CNTNAP3B: variants seen among roughly 807,000 people sequenced by gnomAD.
CNTNAP3B encodes the protein contactin associated protein family member 3B.
A neutral mutation model predicts 108.9 loss-of-function variants in CNTNAP3B; 25 were observed. The ratio of observed to expected loss-of-function variants is 0.23; its 90% CI spans 0.17 to 0.32. The LOEUF (loss-of-function observed/expected upper bound fraction) is 0.32, where lower values mean the gene tolerates loss of function less well. Among genes scored for constraint, CNTNAP3B ranks in the 10% least tolerant of loss-of-function variants. The pLI is 1.00. For missense variants in CNTNAP3B, 252 were observed against 1,210.4 expected (o/e 0.21, Z 11.75); for synonymous variants, 103 against 473.4 (o/e 0.22, Z 10.16).
At chr9:41,925,803 T>TC (rs1554737589) in intron 15 of CNTNAP3B, among the ~76,000 whole-genome samples, 1 of 152,296 alleles carries the variant, frequency 6.6e-6, no homozygotes, top group African/African-American at 2.4e-5. Context: ...GCTTTTTTTT[T>TC]CCCCTTTGTC....
intron 13 of CNTNAP3B, among the ~76,000 whole-genome samples, chr9:41,939,136 T>A (rs1824251507): frequency 1.3e-5 from 2 of 152,292 alleles, no homozygotes; most frequent in Non-Finnish European, 2.9e-5. Flanking sequence ...TGCCAGGGGT[T>A]GGGAGTGAAG....
rs942666494 is a variant in CNTNAP3B at position 42,014,448 on chromosome 9, C to T, written c.391-923G>A. On this transcript the variant is annotated intron_variant, in intron 3 of 23. Transcript: ENST00000377561. ...GGAACAGGCCAGCAGTTAGTTCAAC[C>T]AAGAATGAAGAATGTCTCCTGCCTA... Among the ~76,000 whole-genome samples the T allele has an allele frequency of 1.8e-4, 17 of 91,900 alleles. 2 individuals carry two copies. The highest frequency in any genetic ancestry group is 6.5e-4 in the African/African-American group (16 of 24,430). The allele number at this position is 91,900 out of a possible 152,430, so 60.3% of individuals were successfully genotyped here.
intron 11 of CNTNAP3B, among the ~76,000 whole-genome samples, chr9:41,961,359 C>A (rs1825085445): frequency 6.6e-6 from 1 of 152,306 alleles, no homozygotes; most frequent in African/African-American, 2.4e-5. Flanking sequence ...GTGTAAAACA[C>A]TTGAAGAGAT....
At position 42,099,026 on chromosome 9, in the gene CNTNAP3B, T is replaced by A. The variant is rs62558887; in HGVS notation, c.196+5603A>T. Among the ~76,000 whole-genome samples, 8 of 136,248 alleles carry A rather than the reference T, an allele frequency of 5.9e-5. 2 individuals carry two copies. Among genetic ancestry groups the A allele is most frequent in the Non-Finnish European group, 9.4e-5 (6 of 64,116 alleles). 89.4% of individuals were successfully genotyped at this position (136,248 alleles called of 152,430 possible). ...CACAAATTCCCACCTCTAGTTTCCC[T>A]GCTTTACTCTTTTCCTAAGAAATCA... On this transcript the variant is annotated intron_variant, in intron 2 of 23. Coordinates refer to ENST00000377561, the MANE Select transcript of CNTNAP3B (RefSeq NM_001201380.3).
At chr9:42,079,336 GC>G (rs1202050568) in intron 2 of CNTNAP3B, among the ~76,000 whole-genome samples, 4 of 131,472 alleles carry the variant, frequency 3.0e-5, no homozygotes, top group African/African-American at 1.2e-4. Flanking sequence ...TTCTCTACTG[GC>G]CCTTCCTGTT....
intron 10 of CNTNAP3B, among the ~76,000 whole-genome samples, chr9:41,964,962 C>A (rs1825224343): frequency 6.6e-6 from 1 of 152,238 alleles, no homozygotes; most frequent in Non-Finnish European, 1.5e-5. Context: ...TGAAATATGG[C>A]ATGCTCAGTT....
intron 3 of CNTNAP3B, among the ~76,000 whole-genome samples, chr9:42,049,227 T>C (rs1245513156): frequency 7.4e-6 from 1 of 135,724 alleles, no homozygotes; most frequent in African/African-American, 3.0e-5. Context: ...GCACCATCTT[T>C]GAAATCTTAT....
At chr9:41,937,114 T>TTTA (rs373324080) in intron 14 of CNTNAP3B, among the ~76,000 whole-genome samples, 31,852 of 141,764 alleles carry the variant, frequency 0.22, 204 homozygotes, top group Middle Eastern at 0.29. Context: ...TATTTATTAA[T>TTTA]TTATTATTAT....
intron 13 of CNTNAP3B, among the ~76,000 whole-genome samples, chr9:41,943,630 G>A (rs1824433053): frequency 6.7e-6 from 1 of 150,218 alleles, no homozygotes; most frequent in African/African-American, 2.5e-5. Flanking sequence ...GGGATTACAG[G>A]CAAGTGAGTC....
intron 14 of CNTNAP3B, among the ~76,000 whole-genome samples, chr9:41,930,409 G>A (rs1239562570): frequency 6.6e-6 from 1 of 152,306 alleles, no homozygotes; most frequent in Non-Finnish European, 1.5e-5. Flanking sequence ...TGGGTGTGAT[G>A]GTGCACACCT....
At chr9:41,938,969 T>A (rs1824245124) in intron 13 of CNTNAP3B, among the ~76,000 whole-genome samples, 4 of 152,154 alleles carry the variant, frequency 2.6e-5, no homozygotes, top group Non-Finnish European at 5.9e-5. Context: ...GCTTTTCTCA[T>A]CTCTGAGGTT....
intron 1 of CNTNAP3B, among the ~76,000 whole-genome samples, chr9:42,121,544 C>T (rs1434761376): frequency 2.9e-5 from 4 of 138,874 alleles, no homozygotes; most frequent in African/African-American, 5.7e-5. Context: ...TGACAATCAA[C>T]CCCGGCCACC....
At chr9:42,025,025 G>A (rs1425864399) in intron 3 of CNTNAP3B, among the ~76,000 whole-genome samples, 1 of 145,272 alleles carries the variant, frequency 6.9e-6, no homozygotes, top group Non-Finnish European at 1.5e-5. Flanking sequence ...AATTCTAACT[G>A]GGCAGCTAAC....
At chr9:41,972,586 G>A (rs1258648041) in intron 9 of CNTNAP3B, among the ~76,000 whole-genome samples, 1 of 138,316 alleles carries the variant, frequency 7.2e-6, no homozygotes, top group Non-Finnish European at 1.5e-5. Context: ...CTCATATTAA[G>A]GCTTCTTTTT....
At chr9:41,931,510 A>G (rs1168679559) in intron 14 of CNTNAP3B, among the ~76,000 whole-genome samples, 1 of 152,270 alleles carries the variant, frequency 6.6e-6, no homozygotes, top group Admixed American at 6.5e-5. Context: ...CTAAAATAAA[A>G]TGGCTATATT....
chr9:41,917,198 G>A (rs1398599365), intron 18 of CNTNAP3B, among the ~76,000 whole-genome samples: 1 of 151,934 alleles, frequency 6.6e-6, no homozygotes, highest in Non-Finnish European at 1.5e-5. Context: ...ATATTTCTCT[G>A]ATGATCTGTT....
intron 3 of CNTNAP3B, among the ~76,000 whole-genome samples, chr9:42,040,319 T>C (rs796431148): frequency 1.1e-5 from 1 of 92,148 alleles, no homozygotes; most frequent in Non-Finnish European, 2.3e-5. Flanking sequence ...GATGACATGA[T>C]TGTATATTTA....
chr9:41,953,270 G>T lies in CNTNAP3B; in HGVS notation c.1993C>A (p.Gln665Lys), dbSNP rs1218665459. 6.5e-7 allele frequency: 1 copy of T among 1,527,438 alleles called. No homozygotes were observed. Among genetic ancestry groups the T allele is most frequent in the African/African-American group, 1.4e-5 (1 of 72,272 alleles). The allele number at this position is 1,527,438 out of a possible 1,614,324, so 94.6% of individuals were successfully genotyped here. Residue 665 changes from glutamine (Q) to lysine (K), a missense_variant, in exon 13 of 24, where the codon CAG (glutamine) becomes AAG (lysine). Physicochemically the swap from Gln to Lys is moderately conservative, Grantham distance 53. Coordinates refer to ENST00000377561, the MANE Select transcript of CNTNAP3B (RefSeq NM_001201380.3). Reference sequence around the variant, plus strand: ...GCCAGGTTCACCGCGGCCCGCAGCTGCCCCGCGCCCGCTGCGTACGCGAAG... The same window carrying T: ...GCCAGGTTCACCGCGGCCCGCAGCTTCCCCGCGCCCGCTGCGTACGCGAAG... The part of the protein sequence containing the change: ...VSFAYAAGAG[Q>K]LRAAVNLAER...
chr9:41,952,797 G>A (rs1824731320), intron 13 of CNTNAP3B, among the ~76,000 whole-genome samples: 1 of 150,642 alleles, frequency 6.6e-6, no homozygotes, highest in South Asian at 2.1e-4. Context: ...TAGATTTAGA[G>A]GAAGACTTTG....
Sources: allele counts gnomAD v4.1 joint callset (sites outside exome capture counted in the v4.1 genomes callset), GRCh38; gene constraint gnomAD v4.1.1; transcripts MANE v1.5; gene names NCBI Gene and HGNC (gene_info 2026-07-23, HGNC 2026-07-21).